DPF3: variants seen among roughly 807,000 people sequenced by gnomAD.
DPF3 encodes zinc finger protein DPF3.
DPF3 carries 18 observed loss-of-function variants against 56.8 expected under a neutral mutation model. The observed-to-expected ratio is 0.32, with a 90% CI of 0.22 to 0.47. DPF3 has a LOEUF of 0.47. Among genes scored for constraint, DPF3 ranks in the 20% least tolerant of loss-of-function variants. DPF3 has a pLI of 1.00. For missense variants in DPF3, 403 were observed against 488.8 expected (o/e 0.82, Z 1.65); for synonymous variants, 188 against 180.2 (o/e 1.04, Z -0.35).
At chr14:72,837,277 A>T (rs933759652) in intron 1 of DPF3, among the ~76,000 whole-genome samples, 3 of 152,176 alleles carry the variant, frequency 2.0e-5, no homozygotes, top group African/African-American at 7.2e-5. Flanking sequence ...AAAGAAAGAA[A>T]ACTCTTTCCT....
chr14:72,683,721 G>T (rs1887273227), intron 7 of DPF3, among the ~76,000 whole-genome samples: 1 of 152,158 alleles, frequency 6.6e-6, no homozygotes, highest in African/African-American at 2.4e-5. Context: ...CCCAGATTTT[G>T]CTGTGCAAAT....
intron 1 of DPF3, among the ~76,000 whole-genome samples, chr14:72,774,503 CTT>C (rs1453331096): frequency 2.0e-5 from 3 of 152,004 alleles, no homozygotes; most frequent in Non-Finnish European, 4.4e-5. Flanking sequence ...TTTCTATACT[CTT>C]TTTAAAAAGT....
In DPF3 at chr14:72,810,757, G is replaced by C. The variant is rs192796509; in HGVS notation, c.33-38864C>G. On this transcript the variant is annotated intron_variant, in intron 1 of 10. Coordinates refer to ENST00000556509, the MANE Select transcript of DPF3 (RefSeq NM_001280542.3). ...CCTGGCACACTGCCTTGACCTTCCCGATCCTGGAGCTGGGCCCTGGGCTCA... is the reference window on the plus strand; with the variant it reads ...CCTGGCACACTGCCTTGACCTTCCCCATCCTGGAGCTGGGCCCTGGGCTCA... 4.9e-4 allele frequency among the ~76,000 whole-genome samples: 75 copies of C among 152,250 alleles called. 1 individual carries two copies. Among genetic ancestry groups the C allele is most frequent in the African/African-American group, 1.7e-3 (72 of 41,540 alleles).
chr14:72,669,812 G>A, intron 8 of DPF3: 1 of 809,870 alleles, frequency 1.2e-6, no homozygotes, highest in Non-Finnish European at 1.5e-6. Context: ...CACTCCAGCA[G>A]CCACTCTTAC....
intron 2 of DPF3, among the ~76,000 whole-genome samples, chr14:72,767,629 C>T (rs757373317): frequency 1.8e-4 from 28 of 151,820 alleles, no homozygotes; most frequent in Admixed American, 6.6e-5. Flanking sequence ...ATGAACACAG[C>T]CTCAGGGACT....
At chr14:72,802,559 A>G (rs1234869799) in intron 1 of DPF3, among the ~76,000 whole-genome samples, 4 of 152,140 alleles carry the variant, frequency 2.6e-5, no homozygotes, top group African/African-American at 9.7e-5. Flanking sequence ...TCCTGTGAGC[A>G]CATACCTCAA....
intron 9 of DPF3, 105 bp downstream of exon 9, chr14:72,629,519 C>G (rs1429911801): frequency 3.7e-6 from 4 of 1,094,686 alleles, no homozygotes; most frequent in Non-Finnish European, 5.2e-6. Flanking sequence ...GCCAGGGTAA[C>G]AGGCCCCAGG....
At chr14:72,783,914 C>T (rs1408074135) in intron 1 of DPF3, among the ~76,000 whole-genome samples, 4 of 152,148 alleles carry the variant, frequency 2.6e-5, no homozygotes, top group African/African-American at 9.7e-5. Context: ...GGTGGGGCTG[C>T]TTGACAGGAA....
intron 8 of DPF3, among the ~76,000 whole-genome samples, chr14:72,644,789 C>A (rs1885668386): frequency 6.6e-6 from 1 of 152,180 alleles, no homozygotes; most frequent in Admixed American, 6.5e-5. Context: ...AACCATCAAC[C>A]ATCTCTAAAA....
chr14:72,821,567 C>T (rs545656229), intron 1 of DPF3, among the ~76,000 whole-genome samples: 1 of 152,144 alleles, frequency 6.6e-6, no homozygotes, highest in Non-Finnish European at 1.5e-5. Context: ...ATAAATATTT[C>T]TCAAATATAC....
intron 1 of DPF3, among the ~76,000 whole-genome samples, chr14:72,891,719 T>C (rs1205189669): frequency 6.6e-6 from 1 of 151,748 alleles, no homozygotes; most frequent in East Asian, 1.9e-4. Context: ...TGGTCAGTGG[T>C]ATTGTTTATA....
intron 1 of DPF3, among the ~76,000 whole-genome samples, chr14:72,863,144 ATATGTGTG>A (rs1235988914): frequency 8.0e-4 from 82 of 101,956 alleles, no homozygotes; most frequent in African/African-American, 3.9e-3. Flanking sequence ...GTGTATATAT[ATATGTGTG>A]TGTGTGTGTG....
chr14:72,731,649 A>G (rs1889650903), intron 4 of DPF3, 158 bp downstream of exon 4: 1 of 1,000,034 alleles, frequency 1.0e-6, no homozygotes, highest in Admixed American at 2.8e-5. Flanking sequence ...TAAGTCAGAA[A>G]AGAATTTGGG....
chr14:72,774,011 G>A (rs1332409220), intron 1 of DPF3: 11 of 453,336 alleles, frequency 2.4e-5, no homozygotes, highest in Admixed American at 4.7e-5. Context: ...CAGGCTGGGC[G>A]CAGTGGCTCA....
chr14:72,671,140 C>T (rs912487806), intron 8 of DPF3: 6 of 1,613,672 alleles, frequency 3.7e-6, no homozygotes, highest in Middle Eastern at 3.3e-4. Context: ...GTGGGTTTAG[C>T]AACTGCCCTT....
intron 2 of DPF3, among the ~76,000 whole-genome samples, chr14:72,767,859 A>T (rs905578351): frequency 6.6e-6 from 1 of 152,052 alleles, no homozygotes; most frequent in African/African-American, 2.4e-5. Context: ...AACACATCAA[A>T]ATCACGTTTC....
At chr14:72,863,100 A>ATATATATATG (rs1413440131) in intron 1 of DPF3, among the ~76,000 whole-genome samples, 25 of 110,566 alleles carry the variant, frequency 2.3e-4, no homozygotes, top group Admixed American at 1.1e-3. Context: ...ATATATATAT[A>ATATATATATG]TGTGTGTGTA....
At chr14:72,626,145 T>A (rs183685240) in intron 9 of DPF3, among the ~76,000 whole-genome samples, 2 of 152,318 alleles carry the variant, frequency 1.3e-5, no homozygotes, top group East Asian at 1.9e-4. Flanking sequence ...TTTCCCTACA[T>A]CTTGGTTGAT....
intron 1 of DPF3, among the ~76,000 whole-genome samples, chr14:72,799,200 T>A (rs1208814669): frequency 6.6e-6 from 1 of 152,126 alleles, no homozygotes; most frequent in African/African-American, 2.4e-5. Flanking sequence ...CAACCCATCC[T>A]CCCTATGGTG....
Sources: allele counts gnomAD v4.1 joint callset (sites outside exome capture counted in the v4.1 genomes callset), GRCh38; gene constraint gnomAD v4.1.1; transcripts MANE v1.5; gene names NCBI Gene and HGNC (gene_info 2026-07-23, HGNC 2026-07-21).